STOX2: variants seen among roughly 807,000 people sequenced by gnomAD.
STOX2 encodes storkhead-box protein 2.
Under a neutral mutation model 60.9 loss-of-function variants are expected in STOX2, and 28 were observed. That is an observed-to-expected ratio of 0.46 (90% CI 0.34 to 0.63). The LOEUF (loss-of-function observed/expected upper bound fraction) is 0.63. STOX2 is among the 30% of genes least tolerant of loss of function. The pLI, the probability that STOX2 is intolerant of heterozygous loss-of-function variation, is 0.01. For synonymous variants in STOX2, 472 were observed against 463.9 expected (o/e 1.02, Z -0.22); for missense variants, 1,024 against 1,187.7 (o/e 0.86, Z 2.03).
intron 1 of STOX2, among the ~76,000 whole-genome samples, chr4:183,956,439 CATCTATCTATCTATCTATCTATCT>C (rs35378121): frequency 1.4e-5 from 2 of 145,996 alleles, no homozygotes; most frequent in South Asian, 2.2e-4. Context: ...TTCTATCATT[CATCTATCTATCTATCTATCTATCT>C]ATCTATCTAT....
chr4:183,966,240 G>C (rs374011025), intron 1 of STOX2, among the ~76,000 whole-genome samples: 1 of 152,188 alleles, frequency 6.6e-6, no homozygotes, highest in Non-Finnish European at 1.5e-5. Context: ...AAGAGAGGAG[G>C]TGTGGGTGAG....
At chr4:183,948,583 G>A (rs4861589) in intron 1 of STOX2, among the ~76,000 whole-genome samples, 119,807 of 135,632 alleles carry the variant, frequency 0.88, 54,763 homozygotes, top group East Asian at 1. Context: ...TTAGGCTGGA[G>A]TGCAGTGGCG....
intron 1 of STOX2, among the ~76,000 whole-genome samples, chr4:183,972,078 C>A (rs1743757480): frequency 6.6e-6 from 1 of 152,178 alleles, no homozygotes; most frequent in Non-Finnish European, 1.5e-5. Flanking sequence ...GTGGAAGAAG[C>A]CACCGTCCTC....
At chr4:183,885,179 C>T (rs1741052840) in intron 1 of STOX2, among the ~76,000 whole-genome samples, 1 of 152,086 alleles carries the variant, frequency 6.6e-6, no homozygotes, top group African/African-American at 2.4e-5. Flanking sequence ...TCGCCCACCG[C>T]CCCCCACCCA....
At chr4:183,971,638 T>C (rs1290802558) in intron 1 of STOX2, among the ~76,000 whole-genome samples, 1 of 152,214 alleles carries the variant, frequency 6.6e-6, no homozygotes, top group East Asian at 1.9e-4. Context: ...AAAGGCTAAG[T>C]GTCTGGTATG....
At chr4:183,871,426 A>C (rs1156946227) in intron 1 of STOX2, among the ~76,000 whole-genome samples, 1 of 152,200 alleles carries the variant, frequency 6.6e-6, no homozygotes, top group African/African-American at 2.4e-5. Context: ...GCCAGTGATA[A>C]AATTACACTA....
At chr4:183,857,144 C>T (rs1464735498) in intron 1 of STOX2, among the ~76,000 whole-genome samples, 1 of 152,134 alleles carries the variant, frequency 6.6e-6, no homozygotes, top group East Asian at 1.9e-4. Context: ...AACTGGTTAT[C>T]CCGCAGGACT....
intron 1 of STOX2, among the ~76,000 whole-genome samples, chr4:183,873,798 C>T (rs1178677211): frequency 6.6e-6 from 1 of 152,202 alleles, no homozygotes; most frequent in Non-Finnish European, 1.5e-5. Context: ...GGAAGCTCCA[C>T]AGTAAGGCAG....
Position 183,914,180 on chromosome 4 carries a change from T to C in STOX2, c.166+7224T>C, listed in dbSNP as rs77171362. On this transcript the variant is annotated intron_variant, in intron 1 of 3. Transcript: ENST00000308497. ...AGGGTTATGAAGAGGAAAGGGAGAA[T>C]CTGGGAGAACAAAGGAACTGGCCGT... 5.7e-3 allele frequency among the ~76,000 whole-genome samples: 874 copies of C among 152,100 alleles called. 2 individuals carry two copies. Among genetic ancestry groups the C allele is most frequent in the Non-Finnish European group, 9.8e-3 (669 of 68,002 alleles).
At chr4:183,815,914 T>A (rs1268012003) in intron 1 of STOX2, among the ~76,000 whole-genome samples, 1 of 152,234 alleles carries the variant, frequency 6.6e-6, no homozygotes, top group Non-Finnish European at 1.5e-5. Context: ...CCACTTATTT[T>A]TATATTATTG....
rs985608577 is a variant in STOX2, at chr4:184,022,894, C to T, written c.*5610C>T. On this transcript the variant is annotated 3_prime_UTR_variant, in exon 4 of 4. Transcript: ENST00000308497. ...TTGCTGGGTTAGGAATAGAGCTGCC[C>T]TAGGGTCACCTTCATGCAAGTATTG... is the stretch of plus-strand genomic sequence containing the variant. 6.6e-6 allele frequency: 1 copy of T among 152,028 alleles called. No individual in the cohort carries two copies. The highest frequency in any genetic ancestry group is 1.5e-5 in the Non-Finnish European group (1 of 67,950). 9.4% of individuals were successfully genotyped at this position (152,028 alleles called of 1,614,324 possible).
intron 1 of STOX2, among the ~76,000 whole-genome samples, chr4:183,912,190 G>A (rs138293769): frequency 1.7e-4 from 26 of 152,168 alleles, no homozygotes; most frequent in African/African-American, 6.3e-4. Flanking sequence ...CTCTCTTCTG[G>A]TTCCATCTAT....
chr4:183,798,820 C>G, intron 1 of STOX2: 6 of 963,696 alleles, frequency 6.2e-6, no homozygotes, highest in Non-Finnish European at 7.3e-6. Context: ...TTTTATTGCA[C>G]TACTTCATTT....
At chr4:184,008,681 C>T (rs1490100799) in intron 2 of STOX2, among the ~76,000 whole-genome samples, 1 of 152,288 alleles carries the variant, frequency 6.6e-6, no homozygotes, top group East Asian at 1.9e-4. Context: ...TAACAATGAG[C>T]ACACACAGTA....
intron 2 of STOX2, among the ~76,000 whole-genome samples, chr4:184,005,010 T>A (rs1300437339): frequency 6.6e-6 from 1 of 152,250 alleles, no homozygotes; most frequent in Non-Finnish European, 1.5e-5. Flanking sequence ...CGTCTCCTTA[T>A]GTTGGCTCTT....
intron 1 of STOX2, among the ~76,000 whole-genome samples, chr4:183,855,256 T>C (rs1178399383): frequency 6.6e-6 from 1 of 152,230 alleles, no homozygotes; most frequent in Non-Finnish European, 1.5e-5. Context: ...TGTGTATTTG[T>C]GTCTCTTCTC....
intron 1 of STOX2, among the ~76,000 whole-genome samples, chr4:183,820,952 C>T (rs1739291172): frequency 6.6e-6 from 1 of 151,272 alleles, no homozygotes; most frequent in African/African-American, 2.4e-5. Flanking sequence ...AAAAAAACAC[C>T]AAAAATTAGC....
chr4:183,930,763 A>G (rs1302014013), intron 1 of STOX2, among the ~76,000 whole-genome samples: 2 of 152,362 alleles, frequency 1.3e-5, no homozygotes, highest in Non-Finnish European at 2.9e-5. Flanking sequence ...GGAAGAGCTC[A>G]TATTTTTTGG....
chr4:184,011,431 G>A lies in STOX2; in HGVS notation c.2585+8G>A. On this transcript the variant is annotated splice_region_variant and intron_variant, in intron 3 of 3. Transcript: ENST00000308497. The surrounding 1 kb of genome is among the most constrained non-coding windows in gnomAD (Gnocchi z 4.4). ...TGGATTCAACTCCCCACGGTAGGGA[G>A]AGGTGTCTCTGTGCACACACATGCG... The A allele has an allele frequency of 6.2e-7, 1 of 1,606,820 alleles. No homozygotes were observed. The highest frequency in any genetic ancestry group is 8.5e-7 in the Non-Finnish European group (1 of 1,176,350).
Sources: allele counts gnomAD v4.1 joint callset (sites outside exome capture counted in the v4.1 genomes callset), GRCh38; gene constraint gnomAD v4.1.1; non-coding constraint Gnocchi (gnomAD v3.1); transcripts MANE v1.5; gene names NCBI Gene and HGNC (gene_info 2026-07-23, HGNC 2026-07-21).